MYH9: variants seen among roughly 807,000 people sequenced by gnomAD.
MYH9 encodes myosin heavy chain 9, also known as myosin-9.
Under a neutral mutation model 241.9 loss-of-function variants are expected in MYH9, and 29 were observed. The ratio of observed to expected loss-of-function variants is 0.12; its 90% CI spans 0.09 to 0.16. The LOEUF (loss-of-function observed/expected upper bound fraction) is 0.16. Ranked by LOEUF, MYH9 falls within the 10% of genes least tolerant of loss-of-function variation. The pLI is 1.00. For missense variants in MYH9, 1,803 were observed against 2,595.5 expected (o/e 0.69, Z 6.63); for synonymous variants, 1,047 against 1,062.6 (o/e 0.99, Z 0.29).
In MYH9 at chr22:36,299,021, T is replaced by G; in HGVS notation, c.2998A>C (p.Arg1000=). 1 of 1,614,122 alleles carries G rather than the reference T, an allele frequency of 6.2e-7. No individual in the cohort carries two copies. The highest frequency in any genetic ancestry group is 2.2e-5 in the East Asian group (1 of 44,876). Residue 1000 remains arginine (R), a synonymous_variant, in exon 24 of 41, where the codon AGA becomes CGA. Coordinates refer to ENST00000216181, the MANE Select transcript of MYH9 (RefSeq NM_002473.6). The stretch of plus-strand genomic sequence containing the variant: ...AGGTTGGTGGTGAACTCAGCTATTC[T>G]GTCTTCCAGCAGTTTCTTTTCCTGG... ...LAKEKKLLED[R]IAEFTTNLTE...
At chr22:36,376,145 G>C (rs963959968) in intron 1 of MYH9, among the ~76,000 whole-genome samples, 4 of 151,840 alleles carry the variant, frequency 2.6e-5, no homozygotes, top group African/African-American at 9.7e-5. Context: ...ATTTTTAGTA[G>C]AGACGTGGTT....
chr22:36,383,357 ATG>A (rs1490324004), intron 1 of MYH9, among the ~76,000 whole-genome samples: 2 of 152,164 alleles, frequency 1.3e-5, no homozygotes, highest in East Asian at 3.8e-4. Context: ...ACAGGAAACC[ATG>A]TGTTTGAACT....
At chr22:36,311,205 CTAAG>C (rs2017058463) in intron 14 of MYH9, among the ~76,000 whole-genome samples, 1 of 152,238 alleles carries the variant, frequency 6.6e-6, no homozygotes, top group Non-Finnish European at 1.5e-5. Flanking sequence ...CAGCTTTTGT[CTAAG>C]CATGCACCTC....
intron 1 of MYH9, among the ~76,000 whole-genome samples, chr22:36,384,289 A>C (rs1326514408): frequency 1.4e-5 from 2 of 147,922 alleles, no homozygotes; most frequent in Non-Finnish European, 3.0e-5. Context: ...AAACAAACAA[A>C]AACCATATAT....
At position 36,300,936 on chromosome 22, in the gene MYH9, T is replaced by C; in HGVS notation, c.2753A>G (p.His918Arg). Residue 918 changes from histidine (H) to arginine (R), a missense_variant, in exon 22 of 41, where the codon CAT becomes CGT. Coordinates refer to ENST00000216181, the MANE Select transcript of MYH9 (RefSeq NM_002473.6). This position sits in a 1 kb window ranked among gnomAD's most constrained non-coding sequence, Gnocchi z 5.0. ...CTCCTCCACCCTGGCCTCTAGGTCA[T>C]GGCAGATCTCTTCTAATTCCTGCTT... ...AKKQELEEIC[H>R]DLEARVEEEE... 1 of 1,610,322 alleles carries C rather than the reference T, an allele frequency of 6.2e-7. No individual in the cohort carries two copies. The highest frequency in any genetic ancestry group is 8.5e-7 in the Non-Finnish European group (1 of 1,180,002).
chr22:36,358,449 A>T (rs1338097021), intron 1 of MYH9, among the ~76,000 whole-genome samples: 1 of 152,108 alleles, frequency 6.6e-6, no homozygotes, highest in Non-Finnish European at 1.5e-5. Flanking sequence ...GGACAGCCGG[A>T]TTATTTCCCG....
rs546371976 is a variant in MYH9 at position 36,342,781 on chromosome 22, G to A, written c.334-1255C>T. On this transcript the variant is annotated intron_variant, in intron 2 of 40. Transcript: ENST00000216181. ...AGAAAATGGGCCTGAGGGGCCTGGC[G>A]AAGTGAAGCCGGGGCTCCACGCACC... 7.9e-5 allele frequency among the ~76,000 whole-genome samples: 12 copies of A among 152,294 alleles called. No individual in the cohort carries two copies. The South Asian group carries it at 2.5e-3, about 32-fold the overall frequency.
chr22:36,379,578 A>C (rs750573270), intron 1 of MYH9, among the ~76,000 whole-genome samples: 22 of 152,342 alleles, frequency 1.4e-4, no homozygotes, highest in East Asian at 1.9e-4. Flanking sequence ...CCTCCCTGAG[A>C]AGCCCCTTTT....
At chr22:36,290,309 C>T (rs1489811345) in intron 31 of MYH9, among the ~76,000 whole-genome samples, 3 of 136,070 alleles carry the variant, frequency 2.2e-5, no homozygotes, top group Non-Finnish European at 3.0e-5. Context: ...CACGGCACCC[C>T]AGCCTGGGCA....
intron 34 of MYH9, 178 bp from the exon 35 acceptor site, chr22:36,287,024 C>A: frequency 9.0e-6 from 7 of 774,366 alleles, no homozygotes; most frequent in South Asian, 8.1e-5. Flanking sequence ...GTGTATCCCA[C>A]CCCGTAATGC....
intron 2 of MYH9, among the ~76,000 whole-genome samples, chr22:36,346,128 G>C (rs2017674368): frequency 6.7e-6 from 1 of 149,018 alleles, no homozygotes; most frequent in Non-Finnish European, 1.5e-5. Context: ...CGCCAGCCTG[G>C]GTGACAAAGT....
chr22:36,322,099 G>A (rs369013397), intron 6 of MYH9, among the ~76,000 whole-genome samples: 1 of 152,254 alleles, frequency 6.6e-6, no homozygotes, highest in East Asian at 1.9e-4. Flanking sequence ...CAGTTATGTG[G>A]AAGTGTTCCT....
chr22:36,350,329 G>A (rs1419090936), intron 1 of MYH9, among the ~76,000 whole-genome samples: 1 of 152,204 alleles, frequency 6.6e-6, no homozygotes, highest in Non-Finnish European at 1.5e-5. Flanking sequence ...CCTGAGGTTG[G>A]GAGTTTGAGA....
At chr22:36,309,462 G>A (rs760908191) in intron 14 of MYH9, 66 bp from the exon 15 acceptor site, 146 of 1,214,264 alleles carry the variant, frequency 1.2e-4, no homozygotes, top group Middle Eastern at 7.5e-4. Context: ...CAGGGTCTCC[G>A]GAGCACAGGC....
At chr22:36,310,143 G>A (rs112355457) in intron 14 of MYH9, among the ~76,000 whole-genome samples, 1,684 of 150,206 alleles carry the variant, frequency 0.011, 12 homozygotes, top group Middle Eastern at 0.02. Context: ...CCAGCTACAG[G>A]GCTGTAATCT....
Position 36,285,976 on chromosome 22 carries a change from GACCTAA to G in MYH9, c.5062-29_5062-24del. The G allele has an allele frequency of 6.2e-7, 1 of 1,608,160 alleles. No homozygotes were observed. Among genetic ancestry groups the G allele is most frequent in the Admixed American group, 1.7e-5 (1 of 60,004 alleles). The stretch of plus-strand genomic sequence containing the variant: ...TTCCTGCCACAAAGACCCAGAGTGT[GACCTAA>G]AGGCAGCCACAGCCCCACAAGACCA... On this transcript the variant is annotated intron_variant, in intron 35 of 40. Transcript: ENST00000216181. This position sits in a 1 kb window ranked among gnomAD's most constrained non-coding sequence, Gnocchi z 7.0.
intron 1 of MYH9, among the ~76,000 whole-genome samples, chr22:36,383,982 G>A (rs1014616624): frequency 6.1e-5 from 9 of 148,434 alleles, no homozygotes; most frequent in Non-Finnish European, 1.2e-4. Context: ...AAAAGTGGGC[G>A]AGGGGGTGCT....
In MYH9 at chr22:36,327,414, A is replaced by G; in HGVS notation, c.518+47T>C. The stretch of plus-strand genomic sequence containing the variant: ...TCAGTAGGAGACCTCAAGAATGAGA[A>G]CAGACTGGGGTGAAACGAACCACTA... On this transcript the variant is annotated intron_variant, in intron 4 of 40. Coordinates refer to ENST00000216181, the MANE Select transcript of MYH9 (RefSeq NM_002473.6). The G allele has an allele frequency of 1.9e-6, 3 of 1,611,620 alleles. No individual in the cohort carries two copies. In the East Asian group the frequency reaches 6.7e-5, roughly 36 times the overall value.
rs1195583468 is a variant in MYH9 at position 36,303,907 on chromosome 22, C to A, written c.2390+88G>T. The stretch of plus-strand genomic sequence containing the variant: ...TCCCTGACAGGCATGTGACTGGCTG[C>A]AGCGGGGTGGCCTGCTAAGTGCCCT... On this transcript the variant is annotated intron_variant, in intron 19 of 40. Transcript: ENST00000216181. 5 of 1,497,542 alleles carry A rather than the reference C, an allele frequency of 3.3e-6. No individual in the cohort carries two copies. The East Asian group carries it at 1.2e-4, about 36-fold the overall frequency. The allele number at this position is 1,497,542 out of a possible 1,614,324, so 92.8% of individuals were successfully genotyped here.
Sources: allele counts gnomAD v4.1 joint callset (sites outside exome capture counted in the v4.1 genomes callset), GRCh38; gene constraint gnomAD v4.1.1; non-coding constraint Gnocchi (gnomAD v3.1); transcripts MANE v1.5; gene names NCBI Gene and HGNC (gene_info 2026-07-23, HGNC 2026-07-21).